The following MAP3K20 variants were observed in gnomAD, a reference collection of about 807,000 sequenced individuals.
The protein encoded by MAP3K20 is mitogen-activated protein kinase kinase kinase 20, also known as HCCS-4.
Under a neutral mutation model 85.7 loss-of-function variants are expected in MAP3K20, and 40 were observed. The observed-to-expected ratio is 0.47, with a 90% CI of 0.36 to 0.61. The LOEUF is 0.61. MAP3K20 is among the 20% of genes least tolerant of loss of function. The pLI, the probability that MAP3K20 is intolerant of heterozygous loss-of-function variation, is 0.00. For synonymous variants in MAP3K20, 325 were observed against 327.7 expected (o/e 0.99, Z 0.09); for missense variants, 817 against 961.7 (o/e 0.85, Z 1.99).
intron 2 of MAP3K20, among the ~76,000 whole-genome samples, chr2:173,134,557 A>C (rs1365568970): frequency 6.7e-6 from 1 of 148,168 alleles, no homozygotes; most frequent in Non-Finnish European, 1.5e-5. Context: ...GGCGTGAGCC[A>C]CTGCCCCCAG....
intron 11 of MAP3K20, among the ~76,000 whole-genome samples, chr2:173,228,111 G>A (rs1429363651): frequency 2.0e-5 from 3 of 152,208 alleles, no homozygotes; most frequent in Non-Finnish European, 2.9e-5. Context: ...GGAAGCACAT[G>A]CAGGTAGCAG....
chr2:173,122,295 C>G (rs1237283070), intron 2 of MAP3K20, among the ~76,000 whole-genome samples: 3 of 152,236 alleles, frequency 2.0e-5, no homozygotes, highest in African/African-American at 4.8e-5. Flanking sequence ...CGTAGACTTT[C>G]ATTCAGCTGG....
chr2:173,231,101 A>C (rs770500877), intron 12 of MAP3K20, among the ~76,000 whole-genome samples: 25 of 152,190 alleles, frequency 1.6e-4, no homozygotes, highest in Non-Finnish European at 2.8e-4. Flanking sequence ...AAAACAAAAG[A>C]TGTAATGCCA....
intron 2 of MAP3K20, among the ~76,000 whole-genome samples, chr2:173,120,868 C>T (rs536736155): frequency 7.9e-5 from 12 of 151,750 alleles, no homozygotes; most frequent in Non-Finnish European, 1.3e-4. Context: ...CCACCATGGC[C>T]GGCTAAATTT....
intron 11 of MAP3K20, among the ~76,000 whole-genome samples, chr2:173,218,145 T>C (rs1279112407): frequency 6.6e-6 from 1 of 152,212 alleles, no homozygotes; most frequent in African/African-American, 2.4e-5. Context: ...CAAAAAATAC[T>C]GAAATGCCGC....
chr2:173,225,721 TCAAAA>T, intron 11 of MAP3K20: 4 of 985,228 alleles, frequency 4.1e-6, no homozygotes, highest in Non-Finnish European at 4.8e-6. Context: ...ATTACCCAAG[TCAAAA>T]CAAAATGTAT....
At position 173,134,409 on chromosome 2, in the gene MAP3K20, TATATATATATATA is replaced by T. The variant is rs1253030563; in HGVS notation, c.160-35395_160-35383del. On this transcript the variant is annotated intron_variant, in intron 2 of 19. Coordinates refer to ENST00000375213, the MANE Select transcript of MAP3K20 (RefSeq NM_016653.3). ...GTCTCTATACATATATATATATATATATATATATATATATATATATTTTTTTTTTTTTTTTTTT... is the reference window on the plus strand; with the variant it reads ...GTCTCTATACATATATATATATATATTATATATTTTTTTTTTTTTTTTTTT... Among the ~76,000 whole-genome samples the T allele has an allele frequency of 1.1e-3, 11 of 9,732 alleles. 1 individual carries two copies. The highest frequency in any genetic ancestry group is 7.9e-3 in the East Asian group (5 of 632). The allele number at this position is 9,732 out of a possible 152,430, so 6.4% of individuals were successfully genotyped here. A position where few individuals can be genotyped will look rare whatever the true frequency, so the allele number is the denominator to read the frequency against.
At chr2:173,265,925 A>G in intron 19 of MAP3K20, 125 bp from the exon 20 acceptor site, 1 of 963,986 alleles carries the variant, frequency 1.0e-6, no homozygotes, top group East Asian at 2.6e-5. Flanking sequence ...CATAGCCTAG[A>G]ATTTCTATGA....
chr2:173,186,236 A>G (rs866847473), intron 4 of MAP3K20, among the ~76,000 whole-genome samples: 2 of 152,148 alleles, frequency 1.3e-5, no homozygotes, highest in African/African-American at 2.4e-5. Flanking sequence ...TAGTAATTAT[A>G]CAGATTCTAC....
intron 2 of MAP3K20, among the ~76,000 whole-genome samples, chr2:173,110,231 A>G (rs1574021921): frequency 9.1e-5 from 1 of 10,936 alleles, no homozygotes; most frequent in Non-Finnish European, 1.6e-4. Flanking sequence ...ATATATATAT[A>G]TATATATATA....
chr2:173,116,119 T>A (rs1221893041), intron 2 of MAP3K20, among the ~76,000 whole-genome samples: 2 of 152,126 alleles, frequency 1.3e-5, no homozygotes, highest in Non-Finnish European at 2.9e-5. Context: ...CCCAAAGAGC[T>A]GGGATTACAG....
chr2:173,256,276 T>C (rs1685156097), intron 16 of MAP3K20, among the ~76,000 whole-genome samples: 1 of 152,224 alleles, frequency 6.6e-6, no homozygotes, highest in South Asian at 2.1e-4. Context: ...TATGAGGGCA[T>C]TTTCAGCATG....
In MAP3K20 at chr2:173,099,271, TTCTTC is replaced by T. The variant is rs1358180573; in HGVS notation, c.159+8082_159+8086del. The stretch of plus-strand genomic sequence containing the variant: ...AATCTGACTTTCCGGCCTTTTTTTT[TTCTTC>T]CTTCCTTCCTTCCTTCTGTTGTTTT... On this transcript the variant is annotated intron_variant, in intron 2 of 19. Coordinates refer to ENST00000375213, the MANE Select transcript of MAP3K20 (RefSeq NM_016653.3). 1.7e-3 allele frequency among the ~76,000 whole-genome samples: 232 copies of T among 140,478 alleles called. 1 individual carries two copies. The highest frequency in any genetic ancestry group is 7.6e-3 in the Middle Eastern group (2 of 264). 92.2% of individuals were successfully genotyped at this position (140,478 alleles called of 152,430 possible).
At chr2:173,085,287 C>A (rs1371879538) in intron 1 of MAP3K20, among the ~76,000 whole-genome samples, 1 of 152,078 alleles carries the variant, frequency 6.6e-6, no homozygotes. Flanking sequence ...TTGAGGTCAA[C>A]ATGGATCTGA....
chr2:173,234,857 T>C (rs894866668), intron 14 of MAP3K20, among the ~76,000 whole-genome samples: 7 of 152,080 alleles, frequency 4.6e-5, no homozygotes, highest in Non-Finnish European at 1.0e-4. Flanking sequence ...GTATTGAGAA[T>C]TGACAGGTTT....
At chr2:173,175,080 C>T (rs1284048511) in intron 3 of MAP3K20, among the ~76,000 whole-genome samples, 1 of 152,032 alleles carries the variant, frequency 6.6e-6, no homozygotes, top group South Asian at 2.1e-4. Context: ...ATTTTGTTGC[C>T]CCTCCCTACT....
At chr2:173,222,500 A>G in intron 11 of MAP3K20, 4 of 985,744 alleles carry the variant, frequency 4.1e-6, no homozygotes, top group Non-Finnish European at 4.8e-6. Context: ...GCTTTATACA[A>G]AGAGAAAGAG....
chr2:173,225,845 A>C, intron 11 of MAP3K20: 1 of 985,164 alleles, frequency 1.0e-6, no homozygotes, highest in Non-Finnish European at 1.2e-6. Context: ...TGCTGGTGGC[A>C]ACTTGATGAA....
At chr2:173,164,824 T>C (rs558679479) in intron 2 of MAP3K20, among the ~76,000 whole-genome samples, 2 of 152,298 alleles carry the variant, frequency 1.3e-5, no homozygotes, top group South Asian at 2.1e-4. Context: ...TTAGTCGATG[T>C]CTGGAAACAT....
Sources: gnomAD v4.1 joint callset for allele counts (sites outside exome capture counted in the v4.1 genomes callset) on GRCh38, gnomAD v4.1.1 for gene constraint, MANE v1.5 for transcripts, NCBI Gene and HGNC (gene_info 2026-07-23, HGNC 2026-07-21) for gene names.